ATXN1: variants seen among roughly 807,000 people sequenced by gnomAD.
The protein encoded by ATXN1 is ataxin-1.
In ATXN1, 8 loss-of-function variants were observed where a neutral mutation model predicts 56.4. That is an observed-to-expected ratio of 0.14 (90% CI 0.08 to 0.26). The LOEUF is 0.26. Among genes scored for constraint, ATXN1 ranks in the 10% least tolerant of loss-of-function variants. ATXN1 has a pLI of 1.00. For missense variants in ATXN1, 987 were observed against 1,106.5 expected (o/e 0.89, Z 1.53); for synonymous variants, 514 against 494.6 (o/e 1.04, Z -0.52).
chr6:16,688,326 A>T (rs1462057583), intron 2 of ATXN1, among the ~76,000 whole-genome samples: 1 of 152,224 alleles, frequency 6.6e-6, no homozygotes, highest in Non-Finnish European at 1.5e-5. Flanking sequence ...CACACTTGAT[A>T]TAAGTAAATG....
At chr6:16,656,013 C>A (rs773242082) in intron 3 of ATXN1, among the ~76,000 whole-genome samples, 45 of 151,508 alleles carry the variant, frequency 3.0e-4, no homozygotes, top group Non-Finnish European at 5.3e-4. Context: ...TCGCTTGAAC[C>A]TGGGAGGTGG....
intron 4 of ATXN1, among the ~76,000 whole-genome samples, chr6:16,578,947 C>T (rs970766133): frequency 1.1e-4 from 17 of 152,312 alleles, no homozygotes; most frequent in South Asian, 8.3e-4. Flanking sequence ...TTGCCCAATT[C>T]CACTTTCCCT....
intron 2 of ATXN1, among the ~76,000 whole-genome samples, chr6:16,682,759 T>C (rs1370156383): frequency 1.3e-5 from 2 of 152,152 alleles, no homozygotes; most frequent in Non-Finnish European, 2.9e-5. Context: ...GAGGAAGAGA[T>C]CCAGGTCTCC....
rs570266601 is a variant in ATXN1 at position 16,355,805 on chromosome 6, C to A, written c.-160-27335G>T. 1.6e-3 allele frequency among the ~76,000 whole-genome samples: 246 copies of A among 152,318 alleles called. 1 individual carries two copies. The highest frequency in any genetic ancestry group is 5.6e-3 in the African/African-American group (231 of 41,568). On this transcript the variant is annotated intron_variant, in intron 6 of 7. Coordinates refer to ENST00000436367, the MANE Select transcript of ATXN1 (RefSeq NM_001128164.2). ...TCTTGAATTCCTGACCTCAGGTGAT[C>A]CACCCGCCTTGGCCTCCCAAAGTGC...
intron 6 of ATXN1, among the ~76,000 whole-genome samples, chr6:16,443,498 C>A (rs1374508439): frequency 6.6e-6 from 1 of 152,166 alleles, no homozygotes; most frequent in Non-Finnish European, 1.5e-5. Context: ...CAGACTGTAA[C>A]TATTCCAAAT....
At chr6:16,352,499 C>T (rs993885556) in intron 6 of ATXN1, among the ~76,000 whole-genome samples, 78 of 152,236 alleles carry the variant, frequency 5.1e-4, no homozygotes, top group African/African-American at 1.8e-3. Context: ...ACACTCAAGC[C>T]GACAGAGCAT....
chr6:16,611,837 T>C (rs957959220), intron 3 of ATXN1, among the ~76,000 whole-genome samples: 2 of 132,418 alleles, frequency 1.5e-5, no homozygotes, highest in Non-Finnish European at 1.6e-5. Flanking sequence ...CTTGGAAAAA[T>C]AAGCAGATGA....
intron 1 of ATXN1, among the ~76,000 whole-genome samples, chr6:16,755,760 A>G (rs1278451840): frequency 1.3e-5 from 2 of 151,976 alleles, no homozygotes; most frequent in African/African-American, 4.8e-5. Context: ...AAATCAAAAC[A>G]TCACAATCGG....
At chr6:16,732,400 G>A (rs113088997) in intron 2 of ATXN1, among the ~76,000 whole-genome samples, 90 of 152,194 alleles carry the variant, frequency 5.9e-4, no homozygotes, top group Admixed American at 1.2e-3. Flanking sequence ...GTGAAACCCC[G>A]TCTCTACTGA....
intron 4 of ATXN1, among the ~76,000 whole-genome samples, chr6:16,574,780 G>A (rs529863181): frequency 4.6e-5 from 7 of 150,564 alleles, no homozygotes; most frequent in African/African-American, 1.7e-4. Flanking sequence ...TCAACAAACC[G>A]TAGGGTGTAT....
intron 6 of ATXN1, among the ~76,000 whole-genome samples, chr6:16,407,517 T>TAACC (rs1758709319): frequency 6.6e-6 from 1 of 152,226 alleles, no homozygotes; most frequent in Non-Finnish European, 1.5e-5. Context: ...ATGCTGAAGC[T>TAACC]GGTTTTACTC....
intron 7 of ATXN1, among the ~76,000 whole-genome samples, chr6:16,320,472 G>A (rs955531276): frequency 2.0e-5 from 3 of 152,224 alleles, no homozygotes; most frequent in Non-Finnish European, 2.9e-5. Context: ...GCAAAGGAAC[G>A]TGTCAACCCA....
intron 6 of ATXN1, among the ~76,000 whole-genome samples, chr6:16,356,047 T>C (rs988318388): frequency 2.8e-4 from 42 of 152,240 alleles, no homozygotes; most frequent in Admixed American, 1.9e-3. Flanking sequence ...TCTGAAGTCA[T>C]TACATCGAAG....
At chr6:16,437,425 A>G (rs1759418115) in intron 6 of ATXN1, among the ~76,000 whole-genome samples, 1 of 152,230 alleles carries the variant, frequency 6.6e-6, no homozygotes. Flanking sequence ...ACAGGTGCAC[A>G]GCAGATCTCA....
chr6:16,660,045 AC>A (rs1170591473), intron 2 of ATXN1, among the ~76,000 whole-genome samples: 18 of 152,220 alleles, frequency 1.2e-4, no homozygotes, highest in African/African-American at 4.3e-4. Context: ...TTTATCGCTG[AC>A]CTTCATTTGC....
intron 6 of ATXN1, among the ~76,000 whole-genome samples, chr6:16,414,953 G>C (rs1758872205): frequency 6.6e-6 from 1 of 152,170 alleles, no homozygotes; most frequent in African/African-American, 2.4e-5. Flanking sequence ...CTGGATTCTA[G>C]AACAAAATGT....
chr6:16,697,413 T>C (rs772138142), intron 2 of ATXN1, among the ~76,000 whole-genome samples: 1 of 152,152 alleles, frequency 6.6e-6, no homozygotes, highest in African/African-American at 2.4e-5. Context: ...CCATTTAGAA[T>C]ATAGCTGTTG....
At chr6:16,397,104 T>A (rs1354666041) in intron 6 of ATXN1, among the ~76,000 whole-genome samples, 1 of 152,226 alleles carries the variant, frequency 6.6e-6, no homozygotes, top group African/African-American at 2.4e-5. Flanking sequence ...TATGGTGGTG[T>A]GCTACTGTGC....
In ATXN1 at chr6:16,715,573, T is replaced by C. The variant is rs538589833; in HGVS notation, c.-615+37660A>G. On this transcript the variant is annotated intron_variant, in intron 2 of 7. Transcript: ENST00000436367. ...AGATACTATGAACTTAGTAACGCTG[T>C]GAATGAATTCTGGCTAATGACTTAC... is the stretch of plus-strand genomic sequence containing the variant. Among the ~76,000 whole-genome samples, 19 of 152,328 alleles carry C rather than the reference T, an allele frequency of 1.2e-4. No homozygotes were observed. The East Asian group carries it at 3.7e-3, about 29-fold the overall frequency.
Sources: allele counts gnomAD v4.1 joint callset (sites outside exome capture counted in the v4.1 genomes callset), GRCh38; gene constraint gnomAD v4.1.1; transcripts MANE v1.5; gene names NCBI Gene and HGNC (gene_info 2026-07-23, HGNC 2026-07-21).